ANTXR1: variants seen among roughly 807,000 people sequenced by gnomAD.
ANTXR1 encodes the protein ANTXR cell adhesion molecule 1.
ANTXR1 carries 19 observed loss-of-function variants against 78.1 expected under a neutral mutation model. The ratio of observed to expected loss-of-function variants is 0.24; its 90% confidence interval spans 0.17 to 0.36. The LOEUF (loss-of-function observed/expected upper bound fraction) is 0.36, where lower values mean the gene tolerates loss of function less well. Among genes scored for constraint, ANTXR1 ranks in the 10% least tolerant of loss-of-function variants. ANTXR1 has a pLI of 1.00. For synonymous variants in ANTXR1, 273 were observed against 260.5 expected, an observed-to-expected ratio of 1.05 and a Z score of -0.46; for missense variants, 518 against 718.6, an observed-to-expected ratio of 0.72 and a Z score of 3.19.
chr2:69,238,846 A>G (rs926695625), intron 17 of ANTXR1, among the ~76,000 whole-genome samples: 1 of 152,160 alleles, frequency 6.6e-6, no homozygotes, highest in South Asian at 2.1e-4. Flanking sequence ...TTCATAGGAA[A>G]CTATTTGGTT....
At chr2:69,098,166 C>T (rs961406424) in intron 9 of ANTXR1, among the ~76,000 whole-genome samples, 1 of 152,196 alleles carries the variant, frequency 6.6e-6, no homozygotes, top group African/African-American at 2.4e-5. Flanking sequence ...ACTGTCTTGA[C>T]TGTGGTATTA....
chr2:69,099,175 G>A (rs75832912), intron 9 of ANTXR1, among the ~76,000 whole-genome samples: 2,342 of 152,250 alleles, frequency 0.015, 29 homozygotes, highest in Non-Finnish European at 0.026. Flanking sequence ...GTAGATCTGC[G>A]AATCTGGACA....
intron 3 of ANTXR1, among the ~76,000 whole-genome samples, chr2:69,069,743 T>C (rs963719244): frequency 1.3e-5 from 2 of 152,226 alleles, no homozygotes; most frequent in Non-Finnish European, 2.9e-5. Context: ...CTACCTTGTA[T>C]ATAGCGGATG....
intron 10 of ANTXR1, among the ~76,000 whole-genome samples, chr2:69,113,465 T>G (rs1326111984): frequency 6.6e-6 from 1 of 152,228 alleles, no homozygotes; most frequent in Non-Finnish European, 1.5e-5. Flanking sequence ...TGGGTACTGC[T>G]GAGGGAAAGG....
At chr2:69,235,196 T>C (rs1318085037) in intron 17 of ANTXR1, among the ~76,000 whole-genome samples, 1 of 151,930 alleles carries the variant, frequency 6.6e-6, no homozygotes, top group Non-Finnish European at 1.5e-5. Context: ...GCTAATTTTG[T>C]ATTTTTAGTA....
intron 17 of ANTXR1, among the ~76,000 whole-genome samples, chr2:69,208,836 A>T (rs1012340045): frequency 6.6e-6 from 1 of 152,210 alleles, no homozygotes; most frequent in East Asian, 1.9e-4. Context: ...TTCTGGGCCA[A>T]TTCCTATCCC....
chr2:69,181,801 G>A lies in ANTXR1; in HGVS notation c.1105G>A (p.Gly369Ser), dbSNP rs769332274. 13 of 1,613,916 alleles carry A rather than the reference G, an allele frequency of 8.1e-6. No homozygotes were observed. In the Admixed American group the frequency reaches 2.2e-4, roughly 27 times the overall value. ...AEESEEEDDD[G>S]LPKKKWPTVD... ...TTCTCTGCAGGAAGAAGATGATGAT[G>A]GTCTGCCTAAGAAAAAGTGGCCAAC... The change falls in exon 15 of 18, where the codon GGT (glycine) becomes AGT (serine). Residue 369 changes from glycine (G) to serine (S), a missense_variant. By Grantham distance (56) the Gly-to-Ser change is moderately conservative (BLOSUM62 0). This residue lies in a region of ANTXR1 where 264 missense variants were observed against 391.8 expected (regional missense o/e 0.67). Coordinates refer to ENST00000303714, the MANE Select transcript of ANTXR1 (RefSeq NM_032208.3).
rs377148010 is a variant in ANTXR1 at position 69,122,988 on chromosome 2, T to C, written c.803-29T>C. On this transcript the variant is annotated intron_variant, in intron 10 of 17. Transcript: ENST00000303714. ...TTGAAATTATAAACTCACCTCCCTC[T>C]TCTTAATCCAGTGATTTCCTTTTTG... The C allele has an allele frequency of 6.8e-5, 109 of 1,609,634 alleles. No individual in the cohort carries two copies. The African/African-American group carries it at 1.3e-3, about 20-fold the overall frequency.
At chr2:69,031,741 T>C (rs963451142) in intron 1 of ANTXR1, among the ~76,000 whole-genome samples, 25 of 152,266 alleles carry the variant, frequency 1.6e-4, no homozygotes, top group African/African-American at 5.8e-4. Flanking sequence ...CCAAGTTTTG[T>C]TCTTTAACTG....
At chr2:69,174,091 C>T (rs1368274981) in intron 14 of ANTXR1, among the ~76,000 whole-genome samples, 1 of 152,080 alleles carries the variant, frequency 6.6e-6, no homozygotes, top group Non-Finnish European at 1.5e-5. Flanking sequence ...AGAAATAAAT[C>T]AAGAAACTAC....
In ANTXR1 at chr2:69,081,124, C is replaced by G. The variant is rs553609045; in HGVS notation, c.642+3636C>G. Among the ~76,000 whole-genome samples the G allele has an allele frequency of 2.0e-5, 3 of 152,330 alleles. No homozygotes were observed. In the East Asian group the frequency reaches 5.8e-4, roughly 29 times the overall value. ...CTCTGCCAGGCACTTAACCACCACT[C>G]TCTGAAGAAGGATTTATTATCCCCA... On this transcript the variant is annotated intron_variant, in intron 8 of 17. Coordinates refer to ENST00000303714, the MANE Select transcript of ANTXR1 (RefSeq NM_032208.3).
At chr2:69,198,008 C>T (rs1213328685) in intron 17 of ANTXR1, among the ~76,000 whole-genome samples, 1 of 152,174 alleles carries the variant, frequency 6.6e-6, no homozygotes, top group Non-Finnish European at 1.5e-5. Flanking sequence ...TGTCATATTA[C>T]ATTGCATATC....
intron 17 of ANTXR1, among the ~76,000 whole-genome samples, chr2:69,236,288 GTA>G (rs1169484325): frequency 6.6e-6 from 1 of 152,108 alleles, no homozygotes; most frequent in Non-Finnish European, 1.5e-5. Context: ...GTGTGTGTGT[GTA>G]TATATATGTG....
At chr2:69,198,096 T>C (rs191871481) in intron 17 of ANTXR1, among the ~76,000 whole-genome samples, 125 of 152,372 alleles carry the variant, frequency 8.2e-4, no homozygotes, top group Non-Finnish European at 4.0e-4. Flanking sequence ...TGCCAAATCA[T>C]TGTGCACATT....
intron 12 of ANTXR1, among the ~76,000 whole-genome samples, chr2:69,131,331 C>A (rs1672738003): frequency 6.6e-6 from 1 of 152,224 alleles, no homozygotes; most frequent in African/African-American, 2.4e-5. Context: ...CGTGCCTTCA[C>A]TTCCTCCTCT....
chr2:69,195,385 C>G (rs537619395), intron 17 of ANTXR1, among the ~76,000 whole-genome samples: 1 of 152,212 alleles, frequency 6.6e-6, no homozygotes, highest in East Asian at 1.9e-4. Flanking sequence ...CCTGCTACCC[C>G]CTCCCCTTGC....
At position 69,246,929 on chromosome 2, in the gene ANTXR1, C is replaced by G. The variant is rs1676034962; in HGVS notation, c.*1444C>G. The G allele has an allele frequency of 6.6e-6, 1 of 152,186 alleles. No individual in the cohort carries two copies. Among genetic ancestry groups the G allele is most frequent in the Non-Finnish European group, 1.5e-5 (1 of 68,044 alleles). The allele number at this position is 152,186 out of a possible 1,614,324, so 9.4% of individuals were successfully genotyped here. A position where few individuals can be genotyped will look rare whatever the true frequency, so the allele number is the denominator to read the frequency against. ...CCAAATTCTCAGATCTTTTCTGGAA[C>G]AAGGCAGAATATAAAATAAATATAC... On this transcript the variant is annotated 3_prime_UTR_variant, in exon 18 of 18. Transcript: ENST00000303714.
intron 17 of ANTXR1, among the ~76,000 whole-genome samples, chr2:69,237,463 CTG>C (rs2104528399): frequency 6.6e-6 from 1 of 152,352 alleles, no homozygotes; most frequent in South Asian, 2.1e-4. Context: ...GGGTCTCACT[CTG>C]TTGCCCAGGC....
intron 3 of ANTXR1, among the ~76,000 whole-genome samples, chr2:69,061,063 T>A (rs889704771): frequency 6.6e-6 from 1 of 152,158 alleles, no homozygotes; most frequent in African/African-American, 2.4e-5. Context: ...AAGGAAATAC[T>A]GAAGATGAAC....
Sources: gnomAD v4.1 joint callset for allele counts (sites outside exome capture counted in the v4.1 genomes callset) on GRCh38, gnomAD v4.1.1 for gene constraint, gnomAD v4.1.1 regional missense constraint, MANE v1.5 for transcripts, NCBI Gene and HGNC (gene_info 2026-07-23, HGNC 2026-07-21) for gene names.